NGLY1: variants seen among roughly 807,000 people sequenced by gnomAD.
NGLY1 encodes N-glycanase 1.
A neutral mutation model predicts 84.6 loss-of-function variants in NGLY1; 68 were observed. That is an observed-to-expected ratio of 0.80 (90% CI 0.66 to 0.98). The LOEUF (loss-of-function observed/expected upper bound fraction) is 0.98, where lower values mean the gene tolerates loss of function less well. NGLY1 is among the 50% of genes least tolerant of loss of function. NGLY1 has a pLI of 0.00. For synonymous variants in NGLY1, 280 were observed against 275.2 expected (o/e 1.02, Z -0.17); for missense variants, 779 against 770.2 (o/e 1.01, Z -0.14).
At chr3:25,725,459 T>G (rs777859964) in intron 10 of NGLY1, among the ~76,000 whole-genome samples, 41 of 152,172 alleles carry the variant, frequency 2.7e-4, no homozygotes, top group Non-Finnish European at 5.1e-4. Flanking sequence ...ATTAACTGAC[T>G]CCAAGGAGAG....
rs1704901776 is a variant in NGLY1 at position 25,720,018 on chromosome 3, T to TG, written c.1784dup (p.Gly596ArgfsTer3). ...ATTCTCCAGGCAAATGCTTACCGCC[T>TG]GTCAGTTCTACTTGTGCTGTATCAG... On this transcript the variant is annotated frameshift_variant, in exon 11 of 12. Coordinates refer to ENST00000280700, the MANE Select transcript of NGLY1 (RefSeq NM_018297.4). LOFTEE classifies it high-confidence loss of function. 1 of 1,609,350 alleles carries TG rather than the reference T, an allele frequency of 6.2e-7. No homozygotes were observed. The highest frequency in any genetic ancestry group is 1.1e-5 in the South Asian group (1 of 90,394).
chr3:25,723,410 T>C (rs1705104029), intron 10 of NGLY1, among the ~76,000 whole-genome samples: 1 of 152,182 alleles, frequency 6.6e-6, no homozygotes, highest in African/African-American at 2.4e-5. Flanking sequence ...TATATGGAGA[T>C]AAAACACCCT....
intron 9 of NGLY1, chr3:25,729,563 A>C (rs1435307592): frequency 3.8e-6 from 1 of 262,566 alleles, no homozygotes; most frequent in African/African-American, 2.2e-5. Flanking sequence ...GTGATTTTGC[A>C]TTCAATGAAT....
chr3:25,781,134 A>G (rs75755728), intron 1 of NGLY1, among the ~76,000 whole-genome samples: 5,836 of 152,094 alleles, frequency 0.038, 347 homozygotes, highest in African/African-American at 0.13. Context: ...ATTTTTTTGT[A>G]GAGACGGGGT....
chr3:25,787,441 A>G (rs1356780816), upstream of NGLY1, among the ~76,000 whole-genome samples: 1 of 152,188 alleles, frequency 6.6e-6, no homozygotes, highest in Non-Finnish European at 1.5e-5. Flanking sequence ...TCATTTGTGC[A>G]ATAGTGATCT....
At position 25,719,184 on chromosome 3, in the gene NGLY1, C is replaced by A. The variant is rs1056047310; in HGVS notation, c.*276G>T. The A allele has an allele frequency of 2.4e-5, 6 of 246,532 alleles. No homozygotes were observed. Among genetic ancestry groups the A allele is most frequent in the Admixed American group, 2.1e-4 (4 of 19,252 alleles). The allele number at this position is 246,532 out of a possible 1,614,324, so 15.3% of individuals were successfully genotyped here. ...TTTAATCATGAATATCATTATTTAACTTTTAAAACCATACTTACAGTTTTA... is the reference window on the plus strand; with the variant it reads ...TTTAATCATGAATATCATTATTTAAATTTTAAAACCATACTTACAGTTTTA... On this transcript the variant is annotated 3_prime_UTR_variant, in exon 12 of 12. Transcript: ENST00000280700.
At chr3:25,721,748 CAAAAAAAAAAAAAAAAA>C (rs59028606) in intron 10 of NGLY1, among the ~76,000 whole-genome samples, 7 of 50,704 alleles carry the variant, frequency 1.4e-4, no homozygotes, top group Non-Finnish European at 2.0e-4. Context: ...GACTCCATCT[CAAAAAAAAAAAAAAAAA>C]AAAAAAAAAG....
Position 25,719,646 on chromosome 3 carries a change from G to GAAA in NGLY1, c.1790-14_1790-12dup. On this transcript the variant is annotated splice_polypyrimidine_tract_variant and intron_variant, in intron 11 of 11. Transcript: ENST00000280700. ...AGTGAAGACTGTTATCTGTTAGAGG[G>GAAA]AAAAAAAAAATTAACATTTTGCTTT... is the stretch of plus-strand genomic sequence containing the variant. 6.6e-7 allele frequency: 1 copy of GAAA among 1,515,490 alleles called. No individual in the cohort carries two copies. 93.9% of individuals were successfully genotyped at this position (1,515,490 alleles called of 1,614,324 possible).
rs1184576779 is a variant in NGLY1, at chr3:25,783,412, G to A, written c.-22C>T. 20 of 1,520,860 alleles carry A rather than the reference G, an allele frequency of 1.3e-5. No homozygotes were observed. The East Asian group carries it at 2.4e-4, about 18-fold the overall frequency. 94.2% of individuals were successfully genotyped at this position (1,520,860 alleles called of 1,614,324 possible). On this transcript the variant is annotated 5_prime_UTR_variant, in exon 1 of 12. Transcript: ENST00000280700. This position sits in a 1 kb window ranked among gnomAD's most constrained non-coding sequence, Gnocchi z 4.5. ...CCATGCTTGAGCGCCAGCGGGCGCC[G>A]CCGCCGCCCCTCGCTCTCCGCGTCC...
chr3:25,784,402 G>T (rs1708557983), upstream of NGLY1, among the ~76,000 whole-genome samples: 1 of 152,186 alleles, frequency 6.6e-6, no homozygotes, highest in South Asian at 2.1e-4. Context: ...CACAGTAAGG[G>T]TAAGTAATAT....
At chr3:25,733,480 T>C (rs1012051610) in intron 8 of NGLY1, among the ~76,000 whole-genome samples, 16 of 146,302 alleles carry the variant, frequency 1.1e-4, no homozygotes, top group African/African-American at 4.2e-4. Context: ...TGTGTGTGTG[T>C]GTGTGTGTGT....
chr3:25,731,908 G>C, intron 9 of NGLY1, among the ~76,000 whole-genome samples: 1 of 152,094 alleles, frequency 6.6e-6, no homozygotes, highest in East Asian at 1.9e-4. Context: ...TTACTTTCGA[G>C]GGTGTAAGGC....
intron 2 of NGLY1, among the ~76,000 whole-genome samples, chr3:25,774,273 G>GC (rs1708042958): frequency 6.6e-6 from 1 of 152,200 alleles, no homozygotes; most frequent in Non-Finnish European, 1.5e-5. Flanking sequence ...TTTCAAGACA[G>GC]CATCAGCTGC....
chr3:25,786,402 A>C (rs1314973113), upstream of NGLY1, among the ~76,000 whole-genome samples: 1 of 152,190 alleles, frequency 6.6e-6, no homozygotes, highest in Non-Finnish European at 1.5e-5. Flanking sequence ...TGGGGAAAAA[A>C]AAAATCTTTA....
At chr3:25,777,477 A>G (rs1216274623) in intron 2 of NGLY1, among the ~76,000 whole-genome samples, 3 of 151,118 alleles carry the variant, frequency 2.0e-5, no homozygotes, top group Non-Finnish European at 4.4e-5. Context: ...CACATTCCTC[A>G]AGACCCCATG....
chr3:25,780,158 G>A (rs2932013), intron 1 of NGLY1, among the ~76,000 whole-genome samples: 100,097 of 152,086 alleles, frequency 0.66, 38,843 homozygotes, highest in East Asian at 0.94. Flanking sequence ...GAAATACAAA[G>A]AAAATTTTAT....
rs1705679592 is a variant in NGLY1 at position 25,733,856 on chromosome 3, G to A, written c.1260+16C>T. ...AAATGTCAACTGTTCTTTCAAAAAA[G>A]ATAGCCACACCATACCTGCTTATTA... On this transcript the variant is annotated intron_variant, in intron 8 of 11. Transcript: ENST00000280700. 4 of 1,563,810 alleles carry A rather than the reference G, an allele frequency of 2.6e-6. No homozygotes were observed. Among genetic ancestry groups the A allele is most frequent in the African/African-American group, 1.4e-5 (1 of 73,624 alleles).
At chr3:25,774,594 T>C (rs1451686622) in intron 2 of NGLY1, among the ~76,000 whole-genome samples, 4 of 151,996 alleles carry the variant, frequency 2.6e-5, no homozygotes, top group African/African-American at 7.3e-5. Context: ...TAACAGGCCA[T>C]ACCCAGCTCC....
intron 10 of NGLY1, among the ~76,000 whole-genome samples, chr3:25,727,758 A>G (rs1705331801): frequency 6.6e-6 from 1 of 152,230 alleles, no homozygotes; most frequent in Non-Finnish European, 1.5e-5. Flanking sequence ...TACTCCATAC[A>G]GTAGTTCTGT....
Sources: gnomAD v4.1 joint callset for allele counts (sites outside exome capture counted in the v4.1 genomes callset) on GRCh38, gnomAD v4.1.1 for gene constraint, Gnocchi (gnomAD v3.1) non-coding constraint, MANE v1.5 for transcripts, NCBI Gene and HGNC (gene_info 2026-07-23, HGNC 2026-07-21) for gene names.